The following PID1 variants were observed in gnomAD, a reference collection of about 807,000 sequenced individuals.
PID1 encodes PTB-containing, cubilin and LRP1-interacting protein.
In PID1, 10 loss-of-function variants were observed where a neutral mutation model predicts 19.1. The ratio of observed to expected loss-of-function variants is 0.52; its 90% CI spans 0.32 to 0.89. PID1 has a LOEUF of 0.89. Ranked by LOEUF, PID1 falls within the 40% of genes least tolerant of loss-of-function variation. The pLI is 0.03. For synonymous variants in PID1, 130 were observed against 116.0 expected, an observed-to-expected ratio of 1.12 and a Z score of -0.78; for missense variants, 248 against 285.3, an observed-to-expected ratio of 0.87 and a Z score of 0.94.
intron 2 of PID1, among the ~76,000 whole-genome samples, chr2:229,122,819 C>T (rs182765497): frequency 6.6e-6 from 1 of 152,102 alleles, no homozygotes; most frequent in Admixed American, 6.5e-5. Flanking sequence ...GGAATGGAGG[C>T]AGGGAAAGGC....
At position 229,032,706 on chromosome 2, in the gene PID1, A is replaced by G. The variant is rs1361442878; in HGVS notation, c.178-6598T>C. Among the ~76,000 whole-genome samples the G allele has an allele frequency of 2.6e-5, 4 of 152,356 alleles. No individual in the cohort carries two copies. In the South Asian group the frequency reaches 6.2e-4, roughly 24 times the overall value. On this transcript the variant is annotated intron_variant, in intron 2 of 2. Coordinates refer to ENST00000392055, the MANE Select transcript of PID1 (RefSeq NM_001100818.2). ...ATGGTTGCAGAAACAGGCATTGGGC[A>G]TGAAACTTATTACCAATGAATCATT...
intron 1 of PID1, chr2:229,227,967 ACTATCTG>A (rs1214628649): frequency 2.2e-6 from 1 of 456,004 alleles, no homozygotes; most frequent in Admixed American, 2.3e-5. Flanking sequence ...CACGGTCTTG[ACTATCTG>A]TAGATTTTGG....
chr2:229,032,576 C>T (rs574847474), intron 2 of PID1, among the ~76,000 whole-genome samples: 37 of 152,314 alleles, frequency 2.4e-4, no homozygotes, highest in African/African-American at 8.4e-4. Flanking sequence ...TTTGAGCCTT[C>T]ACCACCCAGG....
At chr2:229,262,012 A>C (rs1690473055) in intron 1 of PID1, among the ~76,000 whole-genome samples, 3 of 152,162 alleles carry the variant, frequency 2.0e-5, no homozygotes, top group Admixed American at 2.0e-4. Context: ...GGTACAAATA[A>C]TCAACCTGAC....
chr2:229,149,909 G>A (rs1205573116), intron 2 of PID1, among the ~76,000 whole-genome samples: 1 of 152,112 alleles, frequency 6.6e-6, no homozygotes, highest in African/African-American at 2.4e-5. Context: ...TTCAATCTAG[G>A]CTGGGAGGGA....
At chr2:229,054,571 C>T (rs781143870) in intron 2 of PID1, among the ~76,000 whole-genome samples, 1 of 151,966 alleles carries the variant, frequency 6.6e-6, no homozygotes, top group Non-Finnish European at 1.5e-5. Flanking sequence ...AAAAATGTTA[C>T]GTTGTGTTTC....
At chr2:229,040,421 A>C (rs1354553634) in intron 2 of PID1, among the ~76,000 whole-genome samples, 1 of 152,182 alleles carries the variant, frequency 6.6e-6, no homozygotes, top group Non-Finnish European at 1.5e-5. Context: ...TTTGTGAAAA[A>C]AGAAACCAGA....
chr2:229,145,728 T>C (rs1312689300), intron 2 of PID1, among the ~76,000 whole-genome samples: 1 of 152,186 alleles, frequency 6.6e-6, no homozygotes, highest in Non-Finnish European at 1.5e-5. Flanking sequence ...GTGAATCTTT[T>C]ACAAACACTG....
At chr2:229,214,778 TTG>T (rs1332749785) in intron 1 of PID1, among the ~76,000 whole-genome samples, 1 of 152,164 alleles carries the variant, frequency 6.6e-6, no homozygotes, top group African/African-American at 2.4e-5. Flanking sequence ...GCTTTTGTTT[TTG>T]TTTTACATCT....
intron 2 of PID1, among the ~76,000 whole-genome samples, chr2:229,121,015 C>A (rs113878849): frequency 6.6e-6 from 1 of 152,066 alleles, no homozygotes; most frequent in South Asian, 2.1e-4. Flanking sequence ...CAGCATCATG[C>A]GCATTGAACT....
intron 2 of PID1, among the ~76,000 whole-genome samples, chr2:229,034,543 G>A (rs1432928763): frequency 7.2e-5 from 11 of 152,180 alleles, no homozygotes; most frequent in African/African-American, 2.4e-4. Context: ...GACTTGTGGT[G>A]AGCCTGCTAA....
intron 2 of PID1, among the ~76,000 whole-genome samples, chr2:229,146,333 C>G (rs962154277): frequency 6.6e-6 from 1 of 152,030 alleles, no homozygotes; most frequent in East Asian, 1.9e-4. Flanking sequence ...GTCAGGGGGT[C>G]AGGGGCAAGG....
At chr2:229,031,214 T>C in intron 2 of PID1, among the ~76,000 whole-genome samples, 1 of 24,978 alleles carries the variant, frequency 4.0e-5, no homozygotes, top group South Asian at 6.4e-4. Context: ...AGACTCTGTC[T>C]CAAAAAAAAA....
chr2:229,106,887 AT>A (rs1205166020), intron 2 of PID1, among the ~76,000 whole-genome samples: 1 of 152,162 alleles, frequency 6.6e-6, no homozygotes, highest in Non-Finnish European at 1.5e-5. Context: ...TCTAATTGCT[AT>A]CCCCCAGTAC....
chr2:229,068,300 C>T (rs548475897), intron 2 of PID1, among the ~76,000 whole-genome samples: 2 of 152,244 alleles, frequency 1.3e-5, no homozygotes, highest in East Asian at 3.9e-4. Context: ...AACTTGGTGG[C>T]TTTCAGGCTT....
intron 2 of PID1, among the ~76,000 whole-genome samples, chr2:229,045,124 T>C (rs1014259665): frequency 2.6e-5 from 4 of 152,118 alleles, no homozygotes; most frequent in African/African-American, 9.7e-5. Context: ...CGGCTAATTT[T>C]TGTATTTTTA....
At chr2:229,229,765 C>T (rs1189237802) in intron 1 of PID1, among the ~76,000 whole-genome samples, 2 of 152,240 alleles carry the variant, frequency 1.3e-5, no homozygotes, top group Non-Finnish European at 2.9e-5. Flanking sequence ...ATGGTTCTGT[C>T]TCTCATCTCC....
intron 2 of PID1, among the ~76,000 whole-genome samples, chr2:229,043,319 T>TC (rs1465131357): frequency 6.6e-6 from 1 of 151,630 alleles, no homozygotes; most frequent in African/African-American, 2.4e-5. Flanking sequence ...AAATTTCTTT[T>TC]TAAGAAGGGA....
At chr2:229,036,006 A>C (rs1243482123) in intron 2 of PID1, among the ~76,000 whole-genome samples, 2 of 152,230 alleles carry the variant, frequency 1.3e-5, no homozygotes, top group Non-Finnish European at 2.9e-5. Context: ...AAGAACTCTG[A>C]AATGGTGTTT....
Sources: gnomAD v4.1 joint callset for allele counts (sites outside exome capture counted in the v4.1 genomes callset) on GRCh38, gnomAD v4.1.1 for gene constraint, MANE v1.5 for transcripts, NCBI Gene and HGNC (gene_info 2026-07-23, HGNC 2026-07-21) for gene names.